Variants in DLGAP2 observed in about 807,000 individuals in gnomAD.
DLGAP2 encodes DLG associated protein 2, also known as disks large-associated protein 2.
DLGAP2 carries 26 observed loss-of-function variants against 100.3 expected under a neutral mutation model. That is an observed-to-expected ratio of 0.26 (90% CI 0.19 to 0.36). DLGAP2 has a LOEUF of 0.36. Among genes scored for constraint, DLGAP2 ranks in the 10% least tolerant of loss-of-function variants. The pLI is 1.00. For missense variants in DLGAP2, 1,858 were observed against 1,453.2 expected (o/e 1.28, Z -4.53); for synonymous variants, 886 against 630.1 (o/e 1.41, Z -6.08).
chr8:1,694,599 G>A (rs946302730), intron 13 of DLGAP2, among the ~76,000 whole-genome samples: 2 of 152,164 alleles, frequency 1.3e-5, no homozygotes, highest in Non-Finnish European at 2.9e-5. Flanking sequence ...GGTGTCCCCA[G>A]AAACTTAGTC....
intron 2 of DLGAP2, among the ~76,000 whole-genome samples, chr8:1,173,923 T>C (rs570314572): frequency 6.6e-6 from 1 of 152,296 alleles, no homozygotes; most frequent in Admixed American, 6.5e-5. Flanking sequence ...CCTAGTGAGA[T>C]GAACCTGGTA....
rs1233961926 is a variant in DLGAP2 at position 1,202,140 on chromosome 8, GTA to G, written c.74-56708_74-56707del. ...GTGTATCTGTGTGTCTGTTGTGTGT[GTA>G]TACACATGTGGTGTGTACAGTATCT... On this transcript the variant is annotated intron_variant, in intron 2 of 14. Transcript: ENST00000637795. Among the ~76,000 whole-genome samples the G allele has an allele frequency of 4.8e-5, 7 of 146,586 alleles. No individual in the cohort carries two copies. The East Asian group carries it at 5.9e-4, about 12-fold the overall frequency.
intron 8 of DLGAP2, among the ~76,000 whole-genome samples, chr8:1,667,938 G>T (rs1396184906): frequency 6.6e-6 from 1 of 151,964 alleles, no homozygotes; most frequent in African/African-American, 2.4e-5. Flanking sequence ...TTGCCTAGGT[G>T]TGTCTCCGCT....
At chr8:791,900 C>T (rs1040766196) in intron 1 of DLGAP2, among the ~76,000 whole-genome samples, 1 of 152,116 alleles carries the variant, frequency 6.6e-6, no homozygotes, top group Non-Finnish European at 1.5e-5. Context: ...AGTTGCACAC[C>T]CCATTGGAGT....
chr8:1,289,647 C>T (rs1177821915), intron 3 of DLGAP2, among the ~76,000 whole-genome samples: 1 of 152,176 alleles, frequency 6.6e-6, no homozygotes, highest in East Asian at 1.9e-4. Context: ...ATAGTCCCTG[C>T]TGCCTTTGAG....
At chr8:1,516,903 A>G (rs1800412715) in intron 4 of DLGAP2, among the ~76,000 whole-genome samples, 1 of 152,218 alleles carries the variant, frequency 6.6e-6, no homozygotes, top group African/African-American at 2.4e-5. Context: ...ATGAGGAGAT[A>G]TGTTTTGTTC....
chr8:1,198,238 C>G (rs1797796996), intron 2 of DLGAP2, among the ~76,000 whole-genome samples: 1 of 152,176 alleles, frequency 6.6e-6, no homozygotes, highest in Admixed American at 6.5e-5. Context: ...CCCCCATTAA[C>G]AAGCTGCACA....
At chr8:892,176 T>G (rs1326440413) in intron 1 of DLGAP2, among the ~76,000 whole-genome samples, 1 of 152,120 alleles carries the variant, frequency 6.6e-6, no homozygotes, top group Non-Finnish European at 1.5e-5. Flanking sequence ...CGGAACCACC[T>G]TGTGACCCAG....
chr8:1,391,606 A>T (rs1796357701), intron 3 of DLGAP2, among the ~76,000 whole-genome samples: 2 of 152,336 alleles, frequency 1.3e-5, no homozygotes, highest in Middle Eastern at 6.8e-3. Context: ...CCCCATGCAG[A>T]GTCCAGGAAG....
intron 1 of DLGAP2, among the ~76,000 whole-genome samples, chr8:863,594 TTTG>T (rs1797434096): frequency 6.6e-6 from 1 of 152,176 alleles, no homozygotes; most frequent in Non-Finnish European, 1.5e-5. Context: ...GATTGTTTCC[TTTG>T]CTGTGCAGAA....
intron 1 of DLGAP2, among the ~76,000 whole-genome samples, chr8:745,161 T>C (rs12678621): frequency 6.6e-6 from 1 of 152,252 alleles, no homozygotes; most frequent in Non-Finnish European, 1.5e-5. Flanking sequence ...TTTTTCTTGG[T>C]CTTTAATATG....
chr8:1,191,275 A>C (rs1007033305), intron 2 of DLGAP2, among the ~76,000 whole-genome samples: 13 of 146,730 alleles, frequency 8.9e-5, no homozygotes, highest in African/African-American at 3.3e-4. Context: ...GGTTCAGGCC[A>C]TTCTCCTGCC....
At chr8:1,417,716 C>T (rs1167016879) in intron 3 of DLGAP2, among the ~76,000 whole-genome samples, 9 of 147,570 alleles carry the variant, frequency 6.1e-5, no homozygotes, top group African/African-American at 2.3e-4. Flanking sequence ...CCTCACTCGG[C>T]GAGGCTCCAG....
intron 3 of DLGAP2, among the ~76,000 whole-genome samples, chr8:1,438,129 G>C (rs1287281794): frequency 6.6e-6 from 1 of 152,194 alleles, no homozygotes; most frequent in African/African-American, 2.4e-5. Flanking sequence ...TCCTGTCTCA[G>C]GAAGTGCCGG....
chr8:1,325,781 G>A (rs1801007992), intron 3 of DLGAP2, among the ~76,000 whole-genome samples: 2 of 152,206 alleles, frequency 1.3e-5, no homozygotes, highest in Admixed American at 6.5e-5. Context: ...CGGGTGAAAT[G>A]TTAATTTACT....
chr8:950,404 G>A (rs1338506408), intron 2 of DLGAP2, among the ~76,000 whole-genome samples: 1 of 152,026 alleles, frequency 6.6e-6, no homozygotes, highest in African/African-American at 2.4e-5. Flanking sequence ...ATAAAATAAT[G>A]CCTCTTACCA....
At chr8:1,254,800 C>T (rs1330378043) in intron 2 of DLGAP2, among the ~76,000 whole-genome samples, 5 of 152,166 alleles carry the variant, frequency 3.3e-5, no homozygotes, top group Non-Finnish European at 5.9e-5. Context: ...CTGGCCCACG[C>T]AGTTCACTGC....
At position 1,182,951 on chromosome 8, in the gene DLGAP2, C is replaced by G. The variant is rs145485038; in HGVS notation, c.74-75900C>G. On this transcript the variant is annotated intron_variant, in intron 2 of 14. Transcript: ENST00000637795. ...CGGTGGCATGGGTGGGAGACGCGCA[C>G]CATGGAGCCGGTGGAAGGTAGACAT... 2.1e-3 allele frequency among the ~76,000 whole-genome samples: 319 copies of G among 152,224 alleles called. 2 individuals are homozygous for G. The highest frequency in any genetic ancestry group is 7.2e-3 in the African/African-American group (298 of 41,544).
At chr8:1,520,024 C>T (rs1252298854) in intron 4 of DLGAP2, among the ~76,000 whole-genome samples, 2 of 152,210 alleles carry the variant, frequency 1.3e-5, no homozygotes, top group Non-Finnish European at 2.9e-5. Context: ...TGGGCCATCG[C>T]TGTTGGCTGC....
Sources: allele counts gnomAD v4.1 joint callset (sites outside exome capture counted in the v4.1 genomes callset), GRCh38; gene constraint gnomAD v4.1.1; transcripts MANE v1.5; gene names NCBI Gene and HGNC (gene_info 2026-07-23, HGNC 2026-07-21).